NLGN4X: variants seen among roughly 807,000 people sequenced by gnomAD.
NLGN4X encodes the protein neuroligin-4, X-linked.
In NLGN4X, 3 loss-of-function variants were observed where a neutral mutation model predicts 40.3. That is an observed-to-expected ratio of 0.07 (90% CI 0.03 to 0.19). The LOEUF (loss-of-function observed/expected upper bound fraction) is 0.19, where lower values mean the gene tolerates loss of function less well. NLGN4X is among the 10% of genes least tolerant of loss of function. The pLI is 1.00. For synonymous variants in NLGN4X, 270 were observed against 306.8 expected (o/e 0.88, Z 1.25); for missense variants, 382 against 708.3 (o/e 0.54, Z 5.23).
intron 1 of NLGN4X, among the ~76,000 whole-genome samples, chrX:6,228,215 G>T (rs1926555522): frequency 9.0e-6 from 1 of 111,654 alleles, no homozygotes; most frequent in Non-Finnish European, 1.9e-5. Context: ...GCAGCAAAAC[G>T]CTTCCAAACA....
At chrX:5,958,101 A>T (rs1222312181) in intron 3 of NLGN4X, among the ~76,000 whole-genome samples, 5 of 111,824 alleles carry the variant, frequency 4.5e-5, no homozygotes, top group Non-Finnish European at 9.4e-5. Flanking sequence ...CATCTGATGG[A>T]CATGTGGAAT....
At chrX:6,162,207 T>C (rs1425910070) in intron 1 of NLGN4X, among the ~76,000 whole-genome samples, 1 of 112,299 alleles carries the variant, frequency 8.9e-6, no homozygotes, top group Admixed American at 9.5e-5. Context: ...TGCAGTTTTA[T>C]GACTATGATT....
intron 3 of NLGN4X, among the ~76,000 whole-genome samples, chrX:5,909,757 T>C (rs148102479): frequency 0.018 from 2,045 of 111,220 alleles, 48 homozygotes; most frequent in African/African-American, 0.062. Flanking sequence ...ATTAACATTT[T>C]GTTTTAACTC....
intron 2 of NLGN4X, among the ~76,000 whole-genome samples, chrX:6,122,330 C>A (rs1259499419): frequency 8.9e-6 from 1 of 111,884 alleles, no homozygotes; most frequent in African/African-American, 3.2e-5. Context: ...CCTCTGCCTC[C>A]CGGGTTCAAG....
rs1922873641 is a variant in NLGN4X, at chrX:6,194,496, A to G, written c.-306+34045T>C. Among the ~76,000 whole-genome samples, 4 of 111,727 alleles carry G rather than the reference A, an allele frequency of 3.6e-5. No homozygotes were observed. The South Asian group carries it at 1.5e-3, about 43-fold the overall frequency. On this transcript the variant is annotated intron_variant, in intron 1 of 5. Transcript: ENST00000381095. ...ATTTTGCATCTATAGGAAAGATGGT[A>G]AGGGAAGAAGAGGATACATCACTCA...
chrX:6,046,273 A>G (rs184500815), intron 2 of NLGN4X, among the ~76,000 whole-genome samples: 2 of 111,749 alleles, frequency 1.8e-5, no homozygotes, highest in Non-Finnish European at 3.8e-5. Flanking sequence ...GATCTTTGGT[A>G]ACAGAACAAA....
intron 3 of NLGN4X, among the ~76,000 whole-genome samples, chrX:5,961,085 T>C (rs2034649830): frequency 9.0e-6 from 1 of 111,326 alleles, no homozygotes; most frequent in Non-Finnish European, 1.9e-5. Context: ...TGGAGTGCAG[T>C]GGCGCGATCT....
chrX:5,916,127 A>G (rs1457431451), intron 3 of NLGN4X, among the ~76,000 whole-genome samples: 1 of 111,382 alleles, frequency 9.0e-6, no homozygotes, highest in Non-Finnish European at 1.9e-5. Flanking sequence ...AGGAAAATGA[A>G]AATTGGAAAC....
intron 2 of NLGN4X, among the ~76,000 whole-genome samples, chrX:6,100,528 A>G (rs1369976220): frequency 8.9e-6 from 1 of 112,351 alleles, no homozygotes; most frequent in Non-Finnish European, 1.9e-5. Flanking sequence ...ACAAGATAAC[A>G]TATAGCTGCA....
intron 1 of NLGN4X, among the ~76,000 whole-genome samples, chrX:6,155,241 G>A (rs1230238874): frequency 9.0e-6 from 1 of 111,641 alleles, no homozygotes; most frequent in Non-Finnish European, 1.9e-5. Flanking sequence ...CTGCCAGGAG[G>A]TTTCTGAGAA....
chrX:6,118,884 T>C (rs1340814707), intron 2 of NLGN4X, among the ~76,000 whole-genome samples: 1 of 111,384 alleles, frequency 9.0e-6, no homozygotes, highest in African/African-American at 3.3e-5. Context: ...TCCATATTCC[T>C]TGGACGCATC....
At chrX:6,022,887 G>C (rs979625510) in intron 3 of NLGN4X, among the ~76,000 whole-genome samples, 7 of 111,422 alleles carry the variant, frequency 6.3e-5, no homozygotes, top group Non-Finnish European at 1.3e-4. Context: ...CCCAAATTAT[G>C]ACTACAAATG....
chrX:6,195,944 C>G (rs1923002615), intron 1 of NLGN4X, among the ~76,000 whole-genome samples: 1 of 110,472 alleles, frequency 9.1e-6, no homozygotes, highest in African/African-American at 3.3e-5. Flanking sequence ...GTGGATGCCT[C>G]GAAACCTGGC....
At chrX:6,135,282 T>C (rs73444282) in intron 2 of NLGN4X, among the ~76,000 whole-genome samples, 13,916 of 111,263 alleles carry the variant, frequency 0.13, 674 homozygotes, top group Admixed American at 0.15. Context: ...TATCTCTCTA[T>C]GTCACTAAGA....
intron 3 of NLGN4X, among the ~76,000 whole-genome samples, chrX:5,974,823 C>T (rs940363065): frequency 2.7e-5 from 3 of 112,035 alleles, no homozygotes; most frequent in Admixed American, 1.9e-4. Flanking sequence ...AGGAAATTAA[C>T]AATAATAGCT....
At chrX:6,026,901 G>A (rs903138954) in intron 3 of NLGN4X, among the ~76,000 whole-genome samples, 3 of 106,924 alleles carry the variant, frequency 2.8e-5, no homozygotes, top group Admixed American at 2.0e-4. Context: ...ATTGATTCAC[G>A]AAGGGACAAA....
intron 1 of NLGN4X, among the ~76,000 whole-genome samples, chrX:6,183,397 A>G (rs1023835464): frequency 9.0e-6 from 1 of 110,819 alleles, no homozygotes; most frequent in Non-Finnish European, 1.9e-5. Context: ...AATACAAAAA[A>G]TTAGCCAGGA....
intron 3 of NLGN4X, among the ~76,000 whole-genome samples, chrX:5,979,148 G>C (rs1374769905): frequency 9.0e-6 from 1 of 110,903 alleles, no homozygotes; most frequent in African/African-American, 3.3e-5. Context: ...ATGAATTACA[G>C]CTTCCAAAAT....
At position 6,095,577 on chromosome X, in the gene NLGN4X, G is replaced by A. The variant is rs141446510; in HGVS notation, c.472+55418C>T. ...GAAATAATTGTTGAAAGAAATTCAC[G>A]TTCCTGTAATTCTGATTCTACCCCA... is the stretch of plus-strand genomic sequence containing the variant. On this transcript the variant is annotated intron_variant, in intron 2 of 5. Transcript: ENST00000381095. 2.0e-4 allele frequency among the ~76,000 whole-genome samples: 22 copies of A among 112,243 alleles called. No individual in the cohort carries two copies. In the East Asian group the frequency reaches 6.2e-3, roughly 31 times the overall value.
Sources: gnomAD v4.1 joint callset for allele counts (sites outside exome capture counted in the v4.1 genomes callset) on GRCh38, gnomAD v4.1.1 for gene constraint, MANE v1.5 for transcripts, NCBI Gene and HGNC (gene_info 2026-07-23, HGNC 2026-07-21) for gene names.